The following GRIK3 variants were observed in gnomAD, a reference collection of about 807,000 sequenced individuals.
GRIK3 encodes glutamate ionotropic receptor kainate type subunit 3.
In GRIK3, 29 loss-of-function variants were observed where a neutral mutation model predicts 102.5. That is an observed-to-expected ratio of 0.28 (90% CI 0.21 to 0.39). The LOEUF is 0.39. GRIK3 is among the 10% of genes least tolerant of loss of function. The probability of loss-of-function intolerance (pLI) is 1.00; values close to 1 mark genes in which losing one functional copy is unlikely to be tolerated. For missense variants in GRIK3, 908 were observed against 1,252.4 expected (o/e 0.73, Z 4.15); for synonymous variants, 511 against 504.9 (o/e 1.01, Z -0.16).
intron 2 of GRIK3, among the ~76,000 whole-genome samples, chr1:36,888,800 C>T (rs529932803): frequency 6.6e-6 from 1 of 152,278 alleles, no homozygotes; most frequent in South Asian, 2.1e-4. Context: ...ACCTCTCCTC[C>T]TCCAGGAAGC....
chr1:37,033,938 C>T lies in GRIK3; in HGVS notation c.115+56G>A, dbSNP rs1642858232. 5.9e-6 allele frequency: 6 copies of T among 1,015,280 alleles called. No individual in the cohort carries two copies. The Admixed American group carries it at 1.3e-4, about 22-fold the overall frequency. 62.9% of individuals were successfully genotyped at this position (1,015,280 alleles called of 1,614,324 possible). A position where few individuals can be genotyped will look rare whatever the true frequency, so the allele number is the denominator to read the frequency against. On this transcript the variant is annotated intron_variant, in intron 1 of 15. Transcript: ENST00000373091. ...TCTCCGGAACGCGTTGGGAGGCCCC[C>T]TCATTCCCGCCCCCTCCCGGGCGCA...
intron 13 of GRIK3, among the ~76,000 whole-genome samples, chr1:36,807,941 T>C (rs561482459): frequency 6.6e-6 from 1 of 152,334 alleles, no homozygotes; most frequent in Admixed American, 6.5e-5. Context: ...CTCCTAGTCC[T>C]CAGCCTGCCC....
At chr1:36,903,393 C>A (rs1057415991) in intron 1 of GRIK3, among the ~76,000 whole-genome samples, 4 of 152,236 alleles carry the variant, frequency 2.6e-5, no homozygotes, top group African/African-American at 9.6e-5. Flanking sequence ...AGTACAGCCA[C>A]TTTGAAAGAA....
rs1374476242 is a variant in GRIK3, at chr1:36,799,156, A to C, written c.*2695T>G. ...AATTACAAAAAAGAGTTTTCCCTTC[A>C]AACAGGACATGATGTCCACAGCAAA... On this transcript the variant is annotated 3_prime_UTR_variant, in exon 16 of 16. Coordinates refer to ENST00000373091, the MANE Select transcript of GRIK3 (RefSeq NM_000831.4). 6.6e-6 allele frequency: 1 copy of C among 152,226 alleles called. No individual in the cohort carries two copies. Among genetic ancestry groups the C allele is most frequent in the African/African-American group, 2.4e-5 (1 of 41,464 alleles). The allele number at this position is 152,226 out of a possible 1,614,324, so 9.4% of individuals were successfully genotyped here. A position where few individuals can be genotyped will look rare whatever the true frequency, so the allele number is the denominator to read the frequency against.
intron 1 of GRIK3, among the ~76,000 whole-genome samples, chr1:37,031,800 C>G (rs1197625198): frequency 5.3e-5 from 8 of 152,244 alleles, no homozygotes; most frequent in Non-Finnish European, 1.2e-4. Flanking sequence ...CGCTCGCTCG[C>G]TCTTTCTGTC....
chr1:36,952,145 C>T (rs542010981), intron 1 of GRIK3, among the ~76,000 whole-genome samples: 2 of 152,150 alleles, frequency 1.3e-5, no homozygotes, highest in Non-Finnish European at 2.9e-5. Context: ...ATTCCCTGTC[C>T]AGTGTTCTTT....
At chr1:37,017,483 A>G (rs1360751689) in intron 1 of GRIK3, among the ~76,000 whole-genome samples, 1 of 151,826 alleles carries the variant, frequency 6.6e-6, no homozygotes, top group African/African-American at 2.4e-5. Context: ...CTTCACAACC[A>G]CTACCAGGCT....
intron 1 of GRIK3, among the ~76,000 whole-genome samples, chr1:36,947,485 C>A (rs1265431473): frequency 6.6e-6 from 1 of 152,176 alleles, no homozygotes; most frequent in Non-Finnish European, 1.5e-5. Flanking sequence ...AATCCAAATT[C>A]TTTACCCTAG....
At chr1:36,924,732 T>C (rs1641509815) in intron 1 of GRIK3, among the ~76,000 whole-genome samples, 1 of 152,228 alleles carries the variant, frequency 6.6e-6, no homozygotes, top group South Asian at 2.1e-4. Context: ...ACGGCAGTGC[T>C]GGCAGCTCTG....
intron 1 of GRIK3, among the ~76,000 whole-genome samples, chr1:36,971,187 A>G (rs1383857771): frequency 6.6e-6 from 1 of 152,220 alleles, no homozygotes; most frequent in Non-Finnish European, 1.5e-5. Flanking sequence ...ACCTTCTCCA[A>G]GACATAGAGA....
intron 1 of GRIK3, among the ~76,000 whole-genome samples, chr1:36,997,076 C>T (rs1557457181): frequency 6.6e-6 from 1 of 152,140 alleles, no homozygotes; most frequent in Admixed American, 6.5e-5. Context: ...AAGCCAATTC[C>T]ATGTAGGGAA....
chr1:36,927,977 G>A (rs1303200320), intron 1 of GRIK3, among the ~76,000 whole-genome samples: 1 of 152,202 alleles, frequency 6.6e-6, no homozygotes, highest in Non-Finnish European at 1.5e-5. Context: ...CAGAGGTGGG[G>A]GGTACCAGGC....
rs34375905 is a variant in GRIK3, at chr1:36,986,416, G to GTCCATCCATCCATCCA, written c.115+47562_115+47577dup. Among the ~76,000 whole-genome samples the GTCCATCCATCCATCCA allele has an allele frequency of 4.5e-3, 588 of 130,776 alleles. 3 individuals carry two copies. The highest frequency in any genetic ancestry group is 6.7e-3 in the Non-Finnish European group (415 of 62,208). 85.8% of individuals were successfully genotyped at this position (130,776 alleles called of 152,430 possible). ...CCATCCATCCTGTCCCCATCTCTCT[G>GTCCATCCATCCATCCA]TCCATCCATCCATCCATCCATCCAT... On this transcript the variant is annotated intron_variant, in intron 1 of 15. Transcript: ENST00000373091.
At chr1:36,868,606 T>C (rs543336887) in intron 5 of GRIK3, among the ~76,000 whole-genome samples, 1 of 152,368 alleles carries the variant, frequency 6.6e-6, no homozygotes, top group African/African-American at 2.4e-5. Flanking sequence ...GCTACCAACA[T>C]GACATGGACT....
chr1:36,955,539 G>A (rs544792782), intron 1 of GRIK3, among the ~76,000 whole-genome samples: 2 of 152,074 alleles, frequency 1.3e-5, no homozygotes, highest in Non-Finnish European at 1.5e-5. Flanking sequence ...CCCCGCCCCC[G>A]GAGAACACGC....
chr1:36,827,396 GCTGGGGCCTAACA>G (rs1642766672), intron 10 of GRIK3, among the ~76,000 whole-genome samples: 1 of 151,920 alleles, frequency 6.6e-6, no homozygotes, highest in Non-Finnish European at 1.5e-5. Context: ...AGAAAGGGAG[GCTGGGGCCTAACA>G]ACAGAAAGGT....
chr1:36,871,489 C>G lies in GRIK3; in HGVS notation c.732+699G>C, dbSNP rs534658501. 2.6e-5 allele frequency among the ~76,000 whole-genome samples: 4 copies of G among 152,370 alleles called. No individual in the cohort carries two copies. In the East Asian group the frequency reaches 5.8e-4, roughly 22 times the overall value. On this transcript the variant is annotated intron_variant, in intron 4 of 15. Coordinates refer to ENST00000373091, the MANE Select transcript of GRIK3 (RefSeq NM_000831.4). Reference sequence around the variant, plus strand: ...TGGGATGACATAATTGCCTTTTACACAAAGCGCCAGCTCAAATCAGTTTTT... The same window carrying G: ...TGGGATGACATAATTGCCTTTTACAGAAAGCGCCAGCTCAAATCAGTTTTT...
intron 1 of GRIK3, among the ~76,000 whole-genome samples, chr1:36,995,387 G>T (rs1321051762): frequency 6.6e-6 from 1 of 152,110 alleles, no homozygotes; most frequent in Non-Finnish European, 1.5e-5. Context: ...AAGCCTGGGG[G>T]CTCATCCACG....
intron 1 of GRIK3, among the ~76,000 whole-genome samples, chr1:36,978,099 A>C (rs991515283): frequency 7.2e-5 from 11 of 152,278 alleles, no homozygotes; most frequent in African/African-American, 2.2e-4. Context: ...TTCCAGAAAA[A>C]TTAAGTATGT....
Sources: gnomAD v4.1 joint callset for allele counts (sites outside exome capture counted in the v4.1 genomes callset) on GRCh38, gnomAD v4.1.1 for gene constraint, MANE v1.5 for transcripts, NCBI Gene and HGNC (gene_info 2026-07-23, HGNC 2026-07-21) for gene names.